The following SETD5 variants were observed in gnomAD, a reference collection of about 807,000 sequenced individuals.
SETD5 encodes histone-lysine N-methyltransferase SETD5.
In SETD5, 44 loss-of-function variants were observed where a neutral mutation model predicts 153.3. That is an observed-to-expected ratio of 0.29 (90% confidence interval 0.23 to 0.37). The LOEUF (loss-of-function observed/expected upper bound fraction) is 0.37, where lower values mean the gene tolerates loss of function less well. Ranked by LOEUF, SETD5 falls within the 10% of genes least tolerant of loss-of-function variation. SETD5 has a pLI of 1.00. For missense variants in SETD5, 1,544 were observed against 1,768.0 expected (o/e 0.87, Z 2.27); for synonymous variants, 716 against 645.2 (o/e 1.11, Z -1.66).
Position 9,434,717 on chromosome 3 carries a change from T to G in SETD5, c.330-107T>G. 1 of 1,465,900 alleles carries G rather than the reference T, an allele frequency of 6.8e-7. No individual in the cohort carries two copies. Among genetic ancestry groups the G allele is most frequent in the Non-Finnish European group, 9.1e-7 (1 of 1,102,534 alleles). 90.8% of individuals were successfully genotyped at this position (1,465,900 alleles called of 1,614,324 possible). A position where few individuals can be genotyped will look rare whatever the true frequency, so the allele number is the denominator to read the frequency against. ...AATTTAATGTCCTGGAAACATTTGG[T>G]AGGTGGGAGGGAGGGGGTAGCATAT... On this transcript the variant is annotated intron_variant, in intron 5 of 22. Transcript: ENST00000402198. The surrounding 1 kb of genome is among the most constrained non-coding windows in gnomAD (Gnocchi z 5.6).
intron 1 of SETD5, among the ~76,000 whole-genome samples, chr3:9,423,756 C>T (rs985991387): frequency 6.6e-6 from 1 of 152,088 alleles, no homozygotes; most frequent in Non-Finnish European, 1.5e-5. Flanking sequence ...TAGCTCTTTT[C>T]ATGTTTATGA....
At position 9,443,315 on chromosome 3, in the gene SETD5, A is replaced by T; in HGVS notation, c.1085A>T (p.His362Leu). The change falls in exon 11 of 23, where the codon CAC becomes CTC. Residue 362 changes from histidine (H) to leucine (L), a missense_variant. This residue lies in a region of SETD5 where 46 missense variants were observed against 111.8 expected (regional missense o/e 0.41). Coordinates refer to ENST00000402198, the MANE Select transcript of SETD5 (RefSeq NM_001080517.3). ...AGAAGCCTTTTCACACAGGTGCGAC[A>T]CATGATTGCAGATGGGATGATTCAC... is the stretch of plus-strand genomic sequence containing the variant. ...RSCTPNAEVRHMIADGMIHLC... is the reference protein window; with the variant it reads ...RSCTPNAEVRLMIADGMIHLC... The T allele has an allele frequency of 6.4e-7, 1 of 1,551,570 alleles. No individual in the cohort carries two copies.
chr3:9,445,962 G>GTTTTTTTTTTTTTTTTTTTTTTTTT (rs1432231015), intron 13 of SETD5, among the ~76,000 whole-genome samples: 23 of 120,246 alleles, frequency 1.9e-4, no homozygotes, highest in African/African-American at 3.8e-4. Context: ...GTTTGAAGAG[G>GTTTTTTTTTTTTTTTTTTTTTTTTT]TTGTTTTTTT....
chr3:9,471,809 C>T (rs1194548573), intron 19 of SETD5, among the ~76,000 whole-genome samples: 1 of 152,172 alleles, frequency 6.6e-6, no homozygotes, highest in Non-Finnish European at 1.5e-5. Context: ...GCTGAATGTC[C>T]TGTATAGGGG....
chr3:9,398,647 C>G (rs750364953), intron 1 of SETD5: 2 of 152,266 alleles, frequency 1.3e-5, no homozygotes, highest in African/African-American at 4.8e-5. Flanking sequence ...TTTTACTTGC[C>G]TTGGGCGTGG....
chr3:9,429,716 T>A, intron 3 of SETD5: 1 of 568,840 alleles, frequency 1.8e-6, no homozygotes. Flanking sequence ...AGTTTTAAAA[T>A]TTTTAGTCTT....
rs1301522020 is a variant in SETD5, at chr3:9,448,605, A to G, written c.2321A>G (p.Asp774Gly). The G allele has an allele frequency of 3.7e-6, 6 of 1,601,994 alleles. No homozygotes were observed. In the East Asian group the frequency reaches 9.0e-5, roughly 24 times the overall value. ...PERRRRPLLP[D>G]GTFSSCKKRW... ...AGACGTCGAAGGCCCCTTCTGCCTGATGGCACATTCAGCTCCTGTAAGAAG... is the reference window on the plus strand; with the variant it reads ...AGACGTCGAAGGCCCCTTCTGCCTGGTGGCACATTCAGCTCCTGTAAGAAG... The change falls in exon 16 of 23, where the codon GAT becomes GGT. Residue 774 changes from aspartate (D) to glycine (G), a missense_variant. Transcript: ENST00000402198.
At position 9,448,587 on chromosome 3, in the gene SETD5, G is replaced by A. The variant is rs759413834; in HGVS notation, c.2303G>A (p.Arg768Gln). ...TCACCCTTTATCCCTGAGAGACGTC[G>A]AAGGCCCCTTCTGCCTGATGGCACA... ...FGSPFIPERR[R>Q]RPLLPDGTFS... The change falls in exon 16 of 23, where the codon CGA becomes CAA. Residue 768 changes from arginine to glutamine, a missense_variant. Transcript: ENST00000402198. The A allele has an allele frequency of 6.8e-6, 11 of 1,609,152 alleles. No individual in the cohort carries two copies. Among genetic ancestry groups the A allele is most frequent in the South Asian group, 6.6e-5 (6 of 90,496 alleles).
chr3:9,429,891 G>A (rs2039769711), intron 3 of SETD5: 4 of 1,303,936 alleles, frequency 3.1e-6, no homozygotes, highest in Non-Finnish European at 4.0e-6. Context: ...TGAAAGTCCA[G>A]CGAAAGAGAC....
At chr3:9,417,883 T>C (rs1441182251) in intron 1 of SETD5, among the ~76,000 whole-genome samples, 1 of 151,820 alleles carries the variant, frequency 6.6e-6, no homozygotes, top group Non-Finnish European at 1.5e-5. Flanking sequence ...CCAAAGGTGA[T>C]TAAAAATGAA....
chr3:9,466,487 G>A (rs2044600906), intron 18 of SETD5, among the ~76,000 whole-genome samples: 1 of 151,814 alleles, frequency 6.6e-6, no homozygotes, highest in Admixed American at 6.6e-5. Flanking sequence ...CATGCATAAT[G>A]TTAGAATACC....
At chr3:9,431,444 T>G (rs2039953082) in intron 3 of SETD5, 2 of 957,986 alleles carry the variant, frequency 2.1e-6, no homozygotes, top group Non-Finnish European at 2.5e-6. Flanking sequence ...TTCCAAACTT[T>G]TAATTCATAT....
In SETD5 at chr3:9,470,630, C is replaced by T. The variant is rs772970208; in HGVS notation, c.2896C>T (p.His966Tyr). Residue 966 changes from histidine (H) to tyrosine (Y), a missense_variant, in exon 19 of 23, where the codon CAT (histidine) becomes TAT (tyrosine). Physicochemically the swap from His to Tyr is moderately conservative, Grantham distance 83 (BLOSUM62 2). Around this residue, in one of 9 missense-constraint regions of SETD5, gnomAD observed 782 missense variants for 787.2 expected, o/e 0.99. Transcript: ENST00000402198. ...TTTCCCAAGCAGAAGTGGAGATGGA[C>T]ATCAGACCCTCGTGAGAAACTCAGA... Reference protein sequence around the residue: ...TGFPSRSGDGHQTLVRNSDQA... With the variant: ...TGFPSRSGDGYQTLVRNSDQA... 6.2e-7 allele frequency: 1 copy of T among 1,613,984 alleles called. No individual in the cohort carries two copies. Among genetic ancestry groups the T allele is most frequent in the Non-Finnish European group, 8.5e-7 (1 of 1,179,882 alleles).
intron 18 of SETD5, chr3:9,468,666 G>C: frequency 8.5e-7 from 1 of 1,174,764 alleles, no homozygotes; most frequent in Non-Finnish European, 1.1e-6. Flanking sequence ...CTGGGGATCT[G>C]AGTCAGTGGG....
At chr3:9,463,597 T>C (rs1044976804) in intron 17 of SETD5, among the ~76,000 whole-genome samples, 2 of 152,218 alleles carry the variant, frequency 1.3e-5, no homozygotes, top group Non-Finnish European at 2.9e-5. Flanking sequence ...TGAACCTAAT[T>C]TTTTAATGGT....
intron 1 of SETD5, 44 bp from the exon 2 acceptor site, chr3:9,424,423 A>G (rs985272569): frequency 2.6e-5 from 4 of 152,232 alleles, no homozygotes; most frequent in Admixed American, 6.5e-5. Context: ...GTGTTCATCA[A>G]TGTTATTTCT....
intron 3 of SETD5, chr3:9,431,748 GA>G (rs1047937535): frequency 2.2e-5 from 22 of 982,738 alleles, no homozygotes; most frequent in Non-Finnish European, 3.6e-6. Flanking sequence ...TACCCGTTTG[GA>G]GATGGGTAAG....
intron 8 of SETD5, 126 bp from the exon 9 acceptor site, chr3:9,441,467 G>T: frequency 1.2e-6 from 1 of 810,420 alleles, no homozygotes; most frequent in Non-Finnish European, 1.9e-6. Context: ...TCTCATCATT[G>T]ATCTAAATAA....
At chr3:9,459,896 A>G (rs558302247) in intron 17 of SETD5, among the ~76,000 whole-genome samples, 5 of 152,234 alleles carry the variant, frequency 3.3e-5, no homozygotes, top group African/African-American at 4.8e-5. Context: ...ATAACATACT[A>G]TGATCTTTTA....
Sources: gnomAD v4.1 joint callset for allele counts (sites outside exome capture counted in the v4.1 genomes callset) on GRCh38, gnomAD v4.1.1 for gene constraint, gnomAD v4.1.1 regional missense constraint, Gnocchi (gnomAD v3.1) non-coding constraint, MANE v1.5 for transcripts, NCBI Gene and HGNC (gene_info 2026-07-23, HGNC 2026-07-21) for gene names.